The following ZDHHC21 variants were observed in gnomAD, a reference collection of about 807,000 sequenced individuals.
ZDHHC21 encodes the protein zDHHC palmitoyltransferase 21, also known as palmitoyltransferase ZDHHC21.
A neutral mutation model predicts 34.6 loss-of-function variants in ZDHHC21; 15 were observed. The ratio of observed to expected loss-of-function variants is 0.43; its 90% confidence interval spans 0.29 to 0.67. The LOEUF is 0.67. Ranked by LOEUF, ZDHHC21 falls within the 30% of genes least tolerant of loss-of-function variation. ZDHHC21 has a pLI of 0.14. For synonymous variants in ZDHHC21, 142 were observed against 101.8 expected (o/e 1.40, Z -2.38); for missense variants, 344 against 327.7 (o/e 1.05, Z -0.38).
chr9:14,658,410 C>A (rs1412831912), intron 7 of ZDHHC21, among the ~76,000 whole-genome samples: 3 of 142,714 alleles, frequency 2.1e-5, no homozygotes, highest in Non-Finnish European at 4.5e-5. Context: ...AAAGGAACCA[C>A]ATGTTAATAA....
intron 8 of ZDHHC21, among the ~76,000 whole-genome samples, chr9:14,623,979 A>C (rs982617239): frequency 4.6e-5 from 7 of 152,158 alleles, no homozygotes; most frequent in African/African-American, 1.7e-4. Flanking sequence ...AGTTAAAAAC[A>C]AAACTACTAT....
At chr9:14,623,614 A>T (rs7848690) in intron 8 of ZDHHC21, among the ~76,000 whole-genome samples, 106 of 150,268 alleles carry the variant, frequency 7.1e-4, no homozygotes, top group African/African-American at 2.5e-3. Context: ...GTTAATACCC[A>T]GAATACATAA....
chr9:14,648,783 A>C (rs1830703211), intron 7 of ZDHHC21, among the ~76,000 whole-genome samples: 1 of 152,098 alleles, frequency 6.6e-6, no homozygotes, highest in Admixed American at 6.6e-5. Context: ...AATGTTCCTC[A>C]CAATTTATTA....
chr9:14,594,663 CA>C, the ZDHHC21 span, among the ~76,000 whole-genome samples: 2 of 152,094 alleles, frequency 1.3e-5, no homozygotes, highest in Admixed American at 6.6e-5. Flanking sequence ...TAGATAATAT[CA>C]AAAGCATGAT....
intron 8 of ZDHHC21, among the ~76,000 whole-genome samples, chr9:14,620,145 G>A (rs1409998952): frequency 6.6e-6 from 1 of 151,928 alleles, no homozygotes; most frequent in Non-Finnish European, 1.5e-5. Flanking sequence ...AACTCAACAA[G>A]GCAATCTATG....
the ZDHHC21 span, among the ~76,000 whole-genome samples, chr9:14,596,052 A>G: frequency 6.6e-6 from 1 of 152,346 alleles, no homozygotes; most frequent in East Asian, 1.9e-4. Context: ...CATTCAACCC[A>G]GTAATTCTAC....
At chr9:14,632,572 TACTACCCAAGAAAAA>T (rs1296942705) in intron 8 of ZDHHC21, among the ~76,000 whole-genome samples, 148 of 9,596 alleles carry the variant, frequency 0.015, 63 homozygotes, top group African/African-American at 0.064. Flanking sequence ...AAAAAGCATA[TACTACCCAAGAAAAA>T]AATAAATTGA....
chr9:14,603,879 CA>C, the ZDHHC21 span, among the ~76,000 whole-genome samples: 3 of 152,086 alleles, frequency 2.0e-5, no homozygotes, highest in African/African-American at 7.2e-5. Flanking sequence ...ATTTTTTATT[CA>C]TATTTATAGT....
intron 7 of ZDHHC21, among the ~76,000 whole-genome samples, chr9:14,643,213 A>T (rs1587057763): frequency 6.6e-6 from 1 of 152,154 alleles, no homozygotes; most frequent in South Asian, 2.1e-4. Context: ...GTGCCACTGC[A>T]CTCCAGCCTG....
the ZDHHC21 span, among the ~76,000 whole-genome samples, chr9:14,595,559 A>G: frequency 6.6e-6 from 1 of 152,242 alleles, no homozygotes; most frequent in Non-Finnish European, 1.5e-5. Context: ...TTGTACAACT[A>G]TACATTTACT....
At chr9:14,687,486 C>A (rs1838505869) in intron 2 of ZDHHC21, among the ~76,000 whole-genome samples, 1 of 150,636 alleles carries the variant, frequency 6.6e-6, no homozygotes, top group Non-Finnish European at 1.5e-5. Flanking sequence ...GCCTGGCCAA[C>A]ATGTTAAAAC....
At position 14,666,508 on chromosome 9, in the gene ZDHHC21, A is replaced by G. The variant is rs1834470603; in HGVS notation, c.254-4182T>C. Among the ~76,000 whole-genome samples the G allele has an allele frequency of 3.0e-5, 3 of 99,178 alleles. 1 individual carries two copies. Among genetic ancestry groups the G allele is most frequent in the African/African-American group, 9.9e-5 (3 of 30,176 alleles). 65.1% of individuals were successfully genotyped at this position (99,178 alleles called of 152,430 possible). ...TCTGCACCAGGCAGACCTAATAGAC[A>G]TCTACAGAACTCTCCACCCCAAATC... On this transcript the variant is annotated intron_variant, in intron 5 of 9. Transcript: ENST00000380916.
chr9:14,619,052 CA>C lies in ZDHHC21; in HGVS notation c.711del (p.Phe237LeufsTer50). ...KPWQQTFSEV[F>X]GTRWKILWFI... ...AACCACAGGATCTTCCAACGAGTGC[CA>C]AAAACTTCTGAGAAGGTCTGCTGCC... is the stretch of plus-strand genomic sequence containing the variant. On this transcript the variant is annotated frameshift_variant, in exon 10 of 10. Coordinates refer to ENST00000380916, the MANE Select transcript of ZDHHC21 (RefSeq NM_178566.6). LOFTEE classifies it high-confidence loss of function. The C allele has an allele frequency of 6.2e-7, 1 of 1,611,966 alleles. No individual in the cohort carries two copies. Among genetic ancestry groups the C allele is most frequent in the Non-Finnish European group, 8.5e-7 (1 of 1,178,934 alleles).
chr9:14,604,150 A>T, the ZDHHC21 span, among the ~76,000 whole-genome samples: 1 of 152,120 alleles, frequency 6.6e-6, no homozygotes, highest in East Asian at 1.9e-4. Flanking sequence ...AACAATATAT[A>T]TGTTGGTTGG....
chr9:14,649,548 C>G (rs1174766013), intron 7 of ZDHHC21, among the ~76,000 whole-genome samples: 1 of 152,042 alleles, frequency 6.6e-6, no homozygotes, highest in Non-Finnish European at 1.5e-5. Flanking sequence ...CATAAAACCC[C>G]TCCACTTCCC....
rs527476110 is a variant in ZDHHC21, at chr9:14,614,238, G to A, written c.*4728C>T. ...TGTACCTATTCTCTAGGGTGGACAAGGCAAAAAGAACATAATAATAGTAAA... is the reference window on the plus strand; with the variant it reads ...TGTACCTATTCTCTAGGGTGGACAAAGCAAAAAGAACATAATAATAGTAAA... On this transcript the variant is annotated 3_prime_UTR_variant, in exon 10 of 10. Transcript: ENST00000380916. 1 of 151,618 alleles carries A rather than the reference G, an allele frequency of 6.6e-6. No individual in the cohort carries two copies. The highest frequency in any genetic ancestry group is 1.5e-5 in the Non-Finnish European group (1 of 67,692). The allele number at this position is 151,618 out of a possible 1,614,324, so 9.4% of individuals were successfully genotyped here.
At chr9:14,606,277 A>G (rs1438666531), downstream of ZDHHC21, among the ~76,000 whole-genome samples, 1 of 152,172 alleles carries the variant, frequency 6.6e-6, no homozygotes, top group African/African-American at 2.4e-5. Context: ...TTGGGACTAC[A>G]GGTTTGTGAC....
At chr9:14,674,942 C>T (rs1836107474) in intron 3 of ZDHHC21, among the ~76,000 whole-genome samples, 1 of 151,984 alleles carries the variant, frequency 6.6e-6, no homozygotes, top group Non-Finnish European at 1.5e-5. Context: ...TGTAAACATT[C>T]ACTGAGCTGT....
At chr9:14,619,178 G>A (rs1282996899) in intron 9 of ZDHHC21, 80 bp from the exon 10 acceptor site, 2 of 1,431,750 alleles carry the variant, frequency 1.4e-6, no homozygotes, top group Non-Finnish European at 9.3e-7. Context: ...AGATTGGCTG[G>A]GGATCCATTA....
Sources: allele counts gnomAD v4.1 joint callset (sites outside exome capture counted in the v4.1 genomes callset), GRCh38; gene constraint gnomAD v4.1.1; transcripts MANE v1.5; gene names NCBI Gene and HGNC (gene_info 2026-07-23, HGNC 2026-07-21).